Variants in SPAG16 observed in about 807,000 individuals in gnomAD.
SPAG16 encodes the protein sperm associated antigen 16.
SPAG16 carries 86 observed loss-of-function variants against 80.4 expected under a neutral mutation model. The ratio of observed to expected loss-of-function variants is 1.07; its 90% CI spans 0.90 to 1.28. The LOEUF is 1.28. Among genes scored for constraint, SPAG16 ranks in the 50% most tolerant of loss-of-function variants. The probability of loss-of-function intolerance (pLI) is 0.00; values close to 1 mark genes in which losing one functional copy is unlikely to be tolerated. For synonymous variants in SPAG16, 294 were observed against 265.9 expected, an observed-to-expected ratio of 1.11 and a Z score of -1.03; for missense variants, 870 against 765.3, an observed-to-expected ratio of 1.14 and a Z score of -1.61.
At chr2:214,186,200 C>A (rs2057466983) in intron 15 of SPAG16, among the ~76,000 whole-genome samples, 2 of 152,084 alleles carry the variant, frequency 1.3e-5, no homozygotes, top group African/African-American at 4.8e-5. Flanking sequence ...TGTCTTCCAC[C>A]ACAGAACTGT....
chr2:213,486,504 G>C (rs569820866), intron 9 of SPAG16, among the ~76,000 whole-genome samples: 1 of 152,052 alleles, frequency 6.6e-6, no homozygotes, highest in East Asian at 1.9e-4. Flanking sequence ...CCATAAAAAA[G>C]AATGAAATCC....
At chr2:213,355,361 C>G (rs1210616893) in intron 7 of SPAG16, among the ~76,000 whole-genome samples, 1 of 118,628 alleles carries the variant, frequency 8.4e-6, no homozygotes, top group East Asian at 3.5e-4. Flanking sequence ...TTTTTTGGTT[C>G]CATATGAACT....
intron 10 of SPAG16, among the ~76,000 whole-genome samples, chr2:213,491,266 A>G: frequency 6.6e-6 from 1 of 152,284 alleles, no homozygotes; most frequent in South Asian, 2.1e-4. Flanking sequence ...ACTTTTTCTT[A>G]TATGTCTATC....
intron 12 of SPAG16, among the ~76,000 whole-genome samples, chr2:213,943,611 T>TA (rs933470008): frequency 3.3e-5 from 5 of 152,030 alleles, no homozygotes; most frequent in South Asian, 2.1e-4. Flanking sequence ...GATATTTAGC[T>TA]AAAAAAAATT....
chr2:213,350,409 G>A (rs990778319), intron 6 of SPAG16, 119 bp from the exon 7 acceptor site: 17 of 547,958 alleles, frequency 3.1e-5, no homozygotes, highest in African/African-American at 3.1e-4. Flanking sequence ...ACCTTTATAT[G>A]ATTATTCATT....
intron 15 of SPAG16, among the ~76,000 whole-genome samples, chr2:214,167,967 C>A (rs2056725031): frequency 6.8e-6 from 1 of 146,674 alleles, no homozygotes; most frequent in Non-Finnish European, 1.5e-5. Context: ...TTCTTTTTTT[C>A]TGTTTTCTTT....
intron 10 of SPAG16, among the ~76,000 whole-genome samples, chr2:213,506,607 T>C (rs2074979795): frequency 6.6e-6 from 1 of 152,196 alleles, no homozygotes; most frequent in South Asian, 2.1e-4. Context: ...TGAGGTTTAT[T>C]AAATGATTTC....
chr2:213,323,768 A>C (rs1192839267), intron 5 of SPAG16, among the ~76,000 whole-genome samples: 2 of 152,198 alleles, frequency 1.3e-5, no homozygotes, highest in Non-Finnish European at 2.9e-5. Flanking sequence ...AATATGGTAC[A>C]TTCATGCAAT....
intron 5 of SPAG16, among the ~76,000 whole-genome samples, chr2:213,334,103 A>G (rs1414073988): frequency 6.6e-6 from 1 of 152,050 alleles, no homozygotes; most frequent in Non-Finnish European, 1.5e-5. Context: ...TATATAAGAA[A>G]CTCTATAGGA....
intron 14 of SPAG16, among the ~76,000 whole-genome samples, chr2:214,112,576 G>A (rs1380368223): frequency 6.7e-6 from 1 of 149,704 alleles, no homozygotes; most frequent in Admixed American, 6.7e-5. Context: ...TGGCTTCTTT[G>A]TCTCTTTTGA....
chr2:213,583,968 A>G (rs968469782), intron 10 of SPAG16, among the ~76,000 whole-genome samples: 1 of 152,200 alleles, frequency 6.6e-6, no homozygotes, highest in Non-Finnish European at 1.5e-5. Flanking sequence ...CTCATTAAAG[A>G]AAAAAAGTAC....
intron 10 of SPAG16, among the ~76,000 whole-genome samples, chr2:213,768,213 G>T (rs1484788641): frequency 2.0e-5 from 3 of 152,126 alleles, no homozygotes; most frequent in Non-Finnish European, 4.4e-5. Context: ...GGGGGTAAAG[G>T]ACTGATGAAA....
chr2:214,205,392 CTTG>C (rs933240865), intron 15 of SPAG16, among the ~76,000 whole-genome samples: 1 of 152,032 alleles, frequency 6.6e-6, no homozygotes, highest in African/African-American at 2.4e-5. Flanking sequence ...CTTTTGATGC[CTTG>C]TTGTTTTTAT....
intron 10 of SPAG16, among the ~76,000 whole-genome samples, chr2:213,547,381 G>A (rs1335810033): frequency 5.9e-5 from 9 of 151,912 alleles, no homozygotes; most frequent in South Asian, 2.1e-4. Flanking sequence ...TGGTCTACTC[G>A]AATTAATAAT....
At chr2:213,868,597 G>A (rs1364366165) in intron 11 of SPAG16, among the ~76,000 whole-genome samples, 1 of 152,186 alleles carries the variant, frequency 6.6e-6, no homozygotes, top group Non-Finnish European at 1.5e-5. Context: ...ACAATGTCCA[G>A]TTCACCAGTG....
At chr2:214,276,901 C>T (rs1407763277) in intron 15 of SPAG16, among the ~76,000 whole-genome samples, 1 of 151,920 alleles carries the variant, frequency 6.6e-6, no homozygotes, top group East Asian at 1.9e-4. Flanking sequence ...AACTTGGTTC[C>T]ATTCTCCCCG....
intron 10 of SPAG16, among the ~76,000 whole-genome samples, chr2:213,805,296 A>G (rs1265588525): frequency 1.3e-5 from 2 of 152,236 alleles, no homozygotes; most frequent in East Asian, 3.9e-4. Context: ...CTTGGGGTCT[A>G]TATTTTCAAA....
intron 12 of SPAG16, among the ~76,000 whole-genome samples, chr2:214,002,338 A>C (rs1041345331): frequency 6.6e-6 from 1 of 152,240 alleles, no homozygotes. Context: ...TGGATTAAAA[A>C]TAAATAAAAA....
chr2:213,379,618 T>C (rs1844228), intron 9 of SPAG16, among the ~76,000 whole-genome samples: 102,673 of 152,132 alleles, frequency 0.67, 35,518 homozygotes, highest in East Asian at 1. Flanking sequence ...CCAGAGTAAG[T>C]GTCTATTCCA....
Sources: gnomAD v4.1 joint callset for allele counts (sites outside exome capture counted in the v4.1 genomes callset) on GRCh38, gnomAD v4.1.1 for gene constraint, MANE v1.5 for transcripts, NCBI Gene and HGNC (gene_info 2026-07-23, HGNC 2026-07-21) for gene names.